Variants in ITGA9 observed in about 807,000 individuals in gnomAD.
ITGA9 encodes the protein integrin subunit alpha 9, also known as integrin alpha-9.
Under a neutral mutation model 127.8 loss-of-function variants are expected in ITGA9, and 56 were observed. The ratio of observed to expected loss-of-function variants is 0.44; its 90% CI spans 0.35 to 0.55. The LOEUF is 0.55. ITGA9 is among the 20% of genes least tolerant of loss of function. The pLI is 0.00. For missense variants in ITGA9, 1,196 were observed against 1,347.1 expected, an observed-to-expected ratio of 0.89 and a Z score of 1.76; for synonymous variants, 508 against 514.5, an observed-to-expected ratio of 0.99 and a Z score of 0.17.
In ITGA9 at chr3:37,483,133, A is replaced by G. The variant is rs565109733; in HGVS notation, c.544+1526A>G. Among the ~76,000 whole-genome samples, 9 of 152,300 alleles carry G rather than the reference A, an allele frequency of 5.9e-5. No homozygotes were observed. In the East Asian group the frequency reaches 1.7e-3, roughly 29 times the overall value. ...TGATGGAGGCAGTGATTGTTGAACC[A>G]TACTAGTTATGCATAGGACCAGTAC... On this transcript the variant is annotated intron_variant, in intron 4 of 27. Coordinates refer to ENST00000264741, the MANE Select transcript of ITGA9 (RefSeq NM_002207.3).
intron 4 of ITGA9, among the ~76,000 whole-genome samples, chr3:37,486,445 A>G (rs1039558806): frequency 2.6e-5 from 4 of 152,244 alleles, no homozygotes; most frequent in Non-Finnish European, 4.4e-5. Flanking sequence ...ATTAAGATCT[A>G]CTTAAGAGGT....
chr3:37,706,682 A>G (rs1701009447), intron 18 of ITGA9, among the ~76,000 whole-genome samples: 1 of 152,188 alleles, frequency 6.6e-6, no homozygotes, highest in African/African-American at 2.4e-5. Context: ...GTGCCCTCAG[A>G]ATGCTACTGA....
chr3:37,505,129 G>A (rs2125571297), intron 6 of ITGA9, among the ~76,000 whole-genome samples: 1 of 150,920 alleles, frequency 6.6e-6, no homozygotes, highest in East Asian at 2.0e-4. Context: ...AGCTTCTTTT[G>A]CCTTCTTGTA....
rs180751058 is a variant in ITGA9, at chr3:37,593,151, G to A, written c.1690-36036G>A. Among the ~76,000 whole-genome samples the A allele has an allele frequency of 2.4e-3, 358 of 152,298 alleles. 1 individual carries two copies. The highest frequency in any genetic ancestry group is 8.2e-3 in the African/African-American group (340 of 41,558). ...TTCCCAATGGATACCAAAATTCATA[G>A]ATGCTCAAGTCCCTGATATAAGGTG... On this transcript the variant is annotated intron_variant, in intron 15 of 27. Coordinates refer to ENST00000264741, the MANE Select transcript of ITGA9 (RefSeq NM_002207.3).
chr3:37,712,996 C>T (rs961864622), intron 18 of ITGA9, among the ~76,000 whole-genome samples: 4 of 152,160 alleles, frequency 2.6e-5, no homozygotes, highest in East Asian at 1.9e-4. Context: ...AGGTGCAGAC[C>T]GTCATCCTCC....
chr3:37,534,216 T>C (rs1438755203), intron 14 of ITGA9, among the ~76,000 whole-genome samples: 2 of 151,402 alleles, frequency 1.3e-5, no homozygotes, highest in Non-Finnish European at 2.9e-5. Context: ...AAAGGCTGAT[T>C]TAATAATAGA....
Position 37,513,783 on chromosome 3 carries a change from C to T in ITGA9, c.918C>T (p.Ser306=), listed in dbSNP as rs1698957339. 6.2e-7 allele frequency: 1 copy of T among 1,613,996 alleles called. No individual in the cohort carries two copies. Among genetic ancestry groups the T allele is most frequent in the South Asian group, 1.1e-5 (1 of 91,082 alleles). The change falls in exon 9 of 28, where the codon TCC becomes TCT. Residue 306 remains serine, a synonymous_variant. Coordinates refer to ENST00000264741, the MANE Select transcript of ITGA9 (RefSeq NM_002207.3). ...TGCAGATGGGCTCTTACTTCGGCTC[C>T]TCCTTGTGCGCAGTTGACCTGAATG... The part of the protein sequence containing the change: ...SGKKMGSYFG[S]SLCAVDLNGD...
At chr3:37,611,459 T>G (rs1317107730) in intron 15 of ITGA9, among the ~76,000 whole-genome samples, 1 of 152,028 alleles carries the variant, frequency 6.6e-6, no homozygotes, top group Non-Finnish European at 1.5e-5. Context: ...TTAAAACCAG[T>G]AGGAATGGGG....
chr3:37,596,616 T>A (rs1699873261), intron 15 of ITGA9, among the ~76,000 whole-genome samples: 1 of 151,940 alleles, frequency 6.6e-6, no homozygotes, highest in South Asian at 2.1e-4. Flanking sequence ...GACATATGAG[T>A]GCATCTCAGG....
intron 23 of ITGA9, among the ~76,000 whole-genome samples, chr3:37,764,853 T>G (rs868778386): frequency 2.0e-5 from 3 of 152,238 alleles, no homozygotes; most frequent in African/African-American, 7.2e-5. Context: ...CTTCTTATTA[T>G]GCAGATCTGA....
intron 15 of ITGA9, among the ~76,000 whole-genome samples, chr3:37,552,044 C>T (rs1268345142): frequency 6.6e-6 from 1 of 152,226 alleles, no homozygotes; most frequent in Non-Finnish European, 1.5e-5. Flanking sequence ...GGGTGGGAAT[C>T]ACAAGCAGGG....
At chr3:37,781,742 C>A (rs1245430593) in intron 25 of ITGA9, among the ~76,000 whole-genome samples, 2 of 152,212 alleles carry the variant, frequency 1.3e-5, no homozygotes, top group African/African-American at 4.8e-5. Flanking sequence ...CTGTACAAAC[C>A]TATCCACGTG....
At chr3:37,757,679 AT>A (rs1696670335) in intron 23 of ITGA9, among the ~76,000 whole-genome samples, 1 of 151,764 alleles carries the variant, frequency 6.6e-6, no homozygotes, top group Non-Finnish European at 1.5e-5. Flanking sequence ...AATCTTTTCA[AT>A]TTTATTCACA....
chr3:37,614,197 C>G (rs1355648691), intron 15 of ITGA9, among the ~76,000 whole-genome samples: 1 of 152,106 alleles, frequency 6.6e-6, no homozygotes, highest in Non-Finnish European at 1.5e-5. Context: ...AGCCAGTTTT[C>G]CCAGCACCAT....
Position 37,822,306 on chromosome 3 carries a change from A to C in ITGA9, c.*3317A>C, listed in dbSNP as rs1374239538. Reference sequence around the variant, plus strand: ...GACCTTTGTAAAAATGGAGTAAAACAGTGCCCCTTTTTTAAAAAAAGTTTT... The same window carrying C: ...GACCTTTGTAAAAATGGAGTAAAACCGTGCCCCTTTTTTAAAAAAAGTTTT... On this transcript the variant is annotated 3_prime_UTR_variant, in exon 28 of 28. Coordinates refer to ENST00000264741, the MANE Select transcript of ITGA9 (RefSeq NM_002207.3). 6.6e-6 allele frequency: 1 copy of C among 150,906 alleles called. No homozygotes were observed. The highest frequency in any genetic ancestry group is 2.4e-5 in the African/African-American group (1 of 41,364). 9.3% of individuals were successfully genotyped at this position (150,906 alleles called of 1,614,324 possible). A position where few individuals can be genotyped will look rare whatever the true frequency, so the allele number is the denominator to read the frequency against.
chr3:37,601,061 C>A (rs1315974659), intron 15 of ITGA9, among the ~76,000 whole-genome samples: 1 of 152,198 alleles, frequency 6.6e-6, no homozygotes, highest in Non-Finnish European at 1.5e-5. Context: ...TCCCCATGGA[C>A]CATGGTGGGT....
intron 18 of ITGA9, among the ~76,000 whole-genome samples, chr3:37,686,557 G>GGGAAAAAT (rs1385703403): frequency 1.3e-5 from 2 of 152,146 alleles, no homozygotes; most frequent in African/African-American, 2.4e-5. Flanking sequence ...AGCTGGCCAT[G>GGGAAAAAT]GGAAAAATGG....
Position 37,494,536 on chromosome 3 carries a change from T to G in ITGA9, c.580T>G (p.Cys194Gly). 1 of 1,613,974 alleles carries G rather than the reference T, an allele frequency of 6.2e-7. No homozygotes were observed. Among genetic ancestry groups the G allele is most frequent in the Non-Finnish European group, 8.5e-7 (1 of 1,179,852 alleles). The change falls in exon 5 of 28, where the codon TGC becomes GGC. Residue 194 changes from cysteine (C) to glycine (G), a missense_variant. Transcript: ENST00000264741. ...KKKYGEEHGS[C>G]QAGIAGFFTE... is the part of the protein sequence containing the mutation. ...GAAGTACGGAGAGGAACACGGCTCC[T>G]GCCAGGCTGGGATAGCGGGCTTCTT...
intron 8 of ITGA9, among the ~76,000 whole-genome samples, chr3:37,509,271 T>C (rs1698877153): frequency 6.6e-6 from 1 of 152,198 alleles, no homozygotes; most frequent in African/African-American, 2.4e-5. Context: ...TGCCCTGTTG[T>C]CTAAAATTAA....
Sources: gnomAD v4.1 joint callset for allele counts (sites outside exome capture counted in the v4.1 genomes callset) on GRCh38, gnomAD v4.1.1 for gene constraint, MANE v1.5 for transcripts, NCBI Gene and HGNC (gene_info 2026-07-23, HGNC 2026-07-21) for gene names.